NDEL1: variants seen among roughly 807,000 people sequenced by gnomAD.
NDEL1 encodes nudE neurodevelopment protein 1 like 1, also known as nuclear distribution protein nudE-like 1.
Under a neutral mutation model 45.7 loss-of-function variants are expected in NDEL1, and 9 were observed. The ratio of observed to expected loss-of-function variants is 0.20; its 90% confidence interval spans 0.12 to 0.34. The LOEUF is 0.34. Ranked by LOEUF, NDEL1 falls within the 10% of genes least tolerant of loss-of-function variation. NDEL1 has a pLI of 1.00. For missense variants in NDEL1, 306 were observed against 406.2 expected (o/e 0.75, Z 2.12); for synonymous variants, 133 against 158.6 (o/e 0.84, Z 1.21).
chr17:8,445,286 T>G (rs1223603680), intron 2 of NDEL1, among the ~76,000 whole-genome samples: 1 of 152,228 alleles, frequency 6.6e-6, no homozygotes, highest in African/African-American at 2.4e-5. Flanking sequence ...AACTACCTAA[T>G]TTTGAAATAG....
chr17:8,470,289 G>A (rs1299418895), downstream of NDEL1, among the ~76,000 whole-genome samples: 1 of 152,042 alleles, frequency 6.6e-6, no homozygotes, highest in East Asian at 1.9e-4. The surrounding 1 kb of genome is among the most constrained non-coding windows in gnomAD (Gnocchi z 4.2). Context: ...ATGAAACCTC[G>A]GGAATGAGCC....
intron 1 of NDEL1, among the ~76,000 whole-genome samples, chr17:8,443,205 G>A (rs1021183765): frequency 5.9e-5 from 9 of 152,322 alleles, no homozygotes; most frequent in Middle Eastern, 3.4e-3. Context: ...GGGCTGAGAC[G>A]GAAATAAGTA....
rs891810729 is a variant in NDEL1, at chr17:8,459,950, A to G, written c.793-59A>G. On this transcript the variant is annotated intron_variant, in intron 7 of 8. Transcript: ENST00000334527. The stretch of plus-strand genomic sequence containing the variant: ...TTGAAATAGAAATGGTTTGAAATGC[A>G]AATTTTTATGTGCAGCTACTGTTTT... 9 of 1,544,344 alleles carry G rather than the reference A, an allele frequency of 5.8e-6. No homozygotes were observed. The African/African-American group carries it at 1.2e-4, about 21-fold the overall frequency.
chr17:8,420,261 TTG>T (rs1908668678), intron 1 of NDEL1, among the ~76,000 whole-genome samples: 1 of 152,190 alleles, frequency 6.6e-6, no homozygotes, highest in African/African-American at 2.4e-5. Context: ...GAATGAGTGT[TTG>T]TAAAGCACTT....
chr17:8,415,238 G>T (rs1201041073), intron 1 of NDEL1, among the ~76,000 whole-genome samples: 1 of 151,274 alleles, frequency 6.6e-6, no homozygotes, highest in Non-Finnish European at 1.5e-5. Context: ...GAGTGCAGTG[G>T]TGCGATCACA....
At chr17:8,455,287 C>G (rs1910757542) in intron 7 of NDEL1, among the ~76,000 whole-genome samples, 2 of 152,224 alleles carry the variant, frequency 1.3e-5, no homozygotes, top group Admixed American at 1.3e-4. Context: ...TGGCTCATGG[C>G]ATTACTCTCT....
At chr17:8,435,264 C>T (rs1377202247), upstream of NDEL1, among the ~76,000 whole-genome samples, 1 of 106,202 alleles carries the variant, frequency 9.4e-6, no homozygotes, top group Admixed American at 1.1e-4. Flanking sequence ...TATAAAATCC[C>T]CTTTGTGCCA....
chr17:8,474,008 G>A (rs1031845267), intron 3 of NDEL1, among the ~76,000 whole-genome samples: 1 of 152,202 alleles, frequency 6.6e-6, no homozygotes, highest in Non-Finnish European at 1.5e-5. Context: ...CCTTCCTAGT[G>A]CGTGTGCATC....
intron 8 of NDEL1, among the ~76,000 whole-genome samples, chr17:8,463,974 G>C (rs1175516085): frequency 1.3e-5 from 2 of 152,220 alleles, no homozygotes; most frequent in East Asian, 1.9e-4. Context: ...CCTGCCTGCA[G>C]GCTCTTCTGG....
At chr17:8,449,460 G>A (rs1157718731) in intron 5 of NDEL1, among the ~76,000 whole-genome samples, 2 of 152,188 alleles carry the variant, frequency 1.3e-5, no homozygotes, top group African/African-American at 4.8e-5. Flanking sequence ...CAGTCCAGTA[G>A]TGTTAAGTAT....
chr17:8,453,569 G>T (rs1910651561), intron 6 of NDEL1, among the ~76,000 whole-genome samples: 1 of 152,144 alleles, frequency 6.6e-6, no homozygotes, highest in African/African-American at 2.4e-5. Flanking sequence ...ATTAAGAAAT[G>T]TGCACGACTG....
intron 3 of NDEL1, among the ~76,000 whole-genome samples, chr17:8,473,978 C>G (rs1912077026): frequency 6.6e-6 from 1 of 152,242 alleles, no homozygotes; most frequent in Non-Finnish European, 1.5e-5. Flanking sequence ...GGGCCAGCTC[C>G]TGCCTTTGGG....
At chr17:8,440,163 A>G (rs1279828019) in intron 1 of NDEL1, among the ~76,000 whole-genome samples, 2 of 152,234 alleles carry the variant, frequency 1.3e-5, no homozygotes, top group Non-Finnish European at 2.9e-5. Context: ...GGGTTATGAA[A>G]ATAGCCTATT....
At position 8,435,981 on chromosome 17, in the gene NDEL1, G is replaced by A. The variant is rs1343001204; in HGVS notation, c.-77G>A. The A allele has an allele frequency of 2.2e-6, 1 of 448,088 alleles. No homozygotes were observed. The highest frequency in any genetic ancestry group is 4.5e-6 in the Non-Finnish European group (1 of 223,852). The allele number at this position is 448,088 out of a possible 1,614,324, so 27.8% of individuals were successfully genotyped here. ...TGAGCCGAGCGGCTGGGCGGGCCTG[G>A]CCGGGCCGGCGGAGGGGAGACGTCG... On this transcript the variant is annotated 5_prime_UTR_variant, in exon 1 of 9. Transcript: ENST00000334527.
downstream of NDEL1, among the ~76,000 whole-genome samples, chr17:8,472,219 TAGAACAGC>T (rs936396257): frequency 6.6e-6 from 1 of 152,230 alleles, no homozygotes; most frequent in African/African-American, 2.4e-5. Context: ...AAGGGCTGGC[TAGAACAGC>T]TTGGCCTTAC....
In NDEL1 at chr17:8,460,108, G is replaced by T. The variant is rs1377742605; in HGVS notation, c.892G>T (p.Gly298Cys). 2 of 1,613,994 alleles carry T rather than the reference G, an allele frequency of 1.2e-6. No homozygotes were observed. The highest frequency in any genetic ancestry group is 4.5e-5 in the East Asian group (2 of 44,892). ...GAATGTTAACTGTGGGGTGCTGAAT[G>T]GCAATGGCACAAAGTTCTCTCGATC... ...SGNVNCGVLN[G>C]NGTKFSRSGH... The change falls in exon 8 of 9, where the codon GGC becomes TGC. Residue 298 changes from glycine to cysteine, a missense_variant. Physicochemically the swap from Gly to Cys is radical, Grantham distance 159 (BLOSUM62 -3). Around this residue, in one of 3 missense-constraint regions of NDEL1, gnomAD observed 175 missense variants for 205.2 expected, o/e 0.85. Transcript: ENST00000334527.
chr17:8,430,958 T>A (rs549267345), upstream of NDEL1, among the ~76,000 whole-genome samples: 18 of 152,312 alleles, frequency 1.2e-4, no homozygotes, highest in African/African-American at 3.8e-4. Context: ...GTTTGGGCCC[T>A]TCGGCACCTC....
At chr17:8,458,645 C>T (rs1772226427) in intron 7 of NDEL1, among the ~76,000 whole-genome samples, 1 of 151,970 alleles carries the variant, frequency 6.6e-6, no homozygotes, top group Non-Finnish European at 1.5e-5. Context: ...TACCTCTCTT[C>T]CTTTTTTCTG....
At chr17:8,455,688 C>A (rs1158109885) in intron 7 of NDEL1, among the ~76,000 whole-genome samples, 2 of 106,434 alleles carry the variant, frequency 1.9e-5, no homozygotes, top group African/African-American at 7.1e-5. Context: ...GACTCCATCT[C>A]AAAAAAAAAA....
Sources: gnomAD v4.1 joint callset for allele counts (sites outside exome capture counted in the v4.1 genomes callset) on GRCh38, gnomAD v4.1.1 for gene constraint, gnomAD v4.1.1 regional missense constraint, Gnocchi (gnomAD v3.1) non-coding constraint, MANE v1.5 for transcripts, NCBI Gene and HGNC (gene_info 2026-07-23, HGNC 2026-07-21) for gene names.